The following CWC25 variants were observed in gnomAD, a reference collection of about 807,000 sequenced individuals.
CWC25 encodes pre-mRNA-splicing factor CWC25 homolog.
In CWC25, 31 loss-of-function variants were observed where a neutral mutation model predicts 54.6. That is an observed-to-expected ratio of 0.57 (90% CI 0.43 to 0.77). The LOEUF (loss-of-function observed/expected upper bound fraction) is 0.77. Among genes scored for constraint, CWC25 ranks in the 30% least tolerant of loss-of-function variants. The pLI is 0.00. For missense variants in CWC25, 453 were observed against 529.3 expected (o/e 0.86, Z 1.41); for synonymous variants, 151 against 187.0 (o/e 0.81, Z 1.57).
intron 1 of CWC25, among the ~76,000 whole-genome samples, chr17:38,821,575 G>A (rs1297433976): frequency 6.6e-6 from 1 of 152,000 alleles, no homozygotes; most frequent in Non-Finnish European, 1.5e-5. Flanking sequence ...ACAAGAACAA[G>A]AACAAGAAAG....
Position 38,802,024 on chromosome 17 carries a change from A to G in CWC25, c.*68T>C. The G allele has an allele frequency of 1.0e-6, 1 of 962,120 alleles. No individual in the cohort carries two copies. The highest frequency in any genetic ancestry group is 1.6e-6 in the Non-Finnish European group (1 of 617,358). The allele number at this position is 962,120 out of a possible 1,614,324, so 59.6% of individuals were successfully genotyped here. On this transcript the variant is annotated 3_prime_UTR_variant, in exon 10 of 10. Coordinates refer to ENST00000614790, the MANE Select transcript of CWC25 (RefSeq NM_017748.5). ...TGAAAGAAGTCATTTGAACTCTTAT[A>G]AAGAGAATTAAGGGGTCAGCAGCTT...
chr17:38,818,328 TCA>T, intron 2 of CWC25, among the ~76,000 whole-genome samples: 1 of 151,356 alleles, frequency 6.6e-6, no homozygotes, highest in East Asian at 1.9e-4. Flanking sequence ...GCACTGTGGC[TCA>T]CATCTGTAAT....
At chr17:38,821,116 C>G in intron 1 of CWC25, 43 bp from the exon 2 acceptor site, 1 of 1,586,306 alleles carries the variant, frequency 6.3e-7, no homozygotes, top group Non-Finnish European at 8.6e-7. Context: ...CGGGGGGTGA[C>G]TGAGTGGTGG....
In CWC25 at chr17:38,800,704, G is replaced by A. The variant is rs1910971155; in HGVS notation, c.*1388C>T. 6.6e-6 allele frequency: 1 copy of A among 152,228 alleles called. No individual in the cohort carries two copies. 9.4% of individuals were successfully genotyped at this position (152,228 alleles called of 1,614,324 possible). A position where few individuals can be genotyped will look rare whatever the true frequency, so the allele number is the denominator to read the frequency against. On this transcript the variant is annotated 3_prime_UTR_variant, in exon 10 of 10. Transcript: ENST00000614790. Reference sequence around the variant, plus strand: ...GTCAAGAGGGCCTAGGAGTTCACTGGTCAAATGAGGGCTTCTGGTGAAAGA... The same window carrying A: ...GTCAAGAGGGCCTAGGAGTTCACTGATCAAATGAGGGCTTCTGGTGAAAGA...
Position 38,814,898 on chromosome 17 carries a change from C to A in CWC25, c.391G>T (p.Ala131Ser). The stretch of plus-strand genomic sequence containing the variant: ...AGTGGGTCCTCCCGGATCTTGCTGG[C>A]CATGTCAAGAAGGGAATTGGCACCT... ...PSGANSLLDM[A>S]SKIREDPLFI... The change falls in exon 3 of 10, where the codon GCC becomes TCC. Residue 131 changes from alanine to serine, a missense_variant. Physicochemically the swap from Ala to Ser is moderately conservative, Grantham distance 99. Around this residue, in one of 2 missense-constraint regions of CWC25, gnomAD observed 444 missense variants for 499.2 expected, o/e 0.89. Coordinates refer to ENST00000614790, the MANE Select transcript of CWC25 (RefSeq NM_017748.5). 6.2e-7 allele frequency: 1 copy of A among 1,613,630 alleles called. No homozygotes were observed. The highest frequency in any genetic ancestry group is 8.5e-7 in the Non-Finnish European group (1 of 1,179,852).
Position 38,815,327 on chromosome 17 carries a change from G to A in CWC25, c.192-230C>T, listed in dbSNP as rs138003729. Among the ~76,000 whole-genome samples, 1,464 of 152,202 alleles carry A rather than the reference G, an allele frequency of 9.6e-3. 9 individuals are homozygous for A. The highest frequency in any genetic ancestry group is 0.031 in the Middle Eastern group (9 of 294). On this transcript the variant is annotated intron_variant, in intron 2 of 9. Transcript: ENST00000614790. ...TCCCACCATTTTGGGAGTCCGAAGCGGGTGGATCACTTGAGGTCAGGAGTT... is the reference window on the plus strand; with the variant it reads ...TCCCACCATTTTGGGAGTCCGAAGCAGGTGGATCACTTGAGGTCAGGAGTT...
intron 2 of CWC25, among the ~76,000 whole-genome samples, chr17:38,818,298 AC>A (rs1911782836): frequency 1.3e-5 from 2 of 151,432 alleles, no homozygotes. Flanking sequence ...AAAATAAATA[AC>A]AAAAATAAAA....
chr17:38,807,322 C>CAAA (rs57710053), intron 6 of CWC25, among the ~76,000 whole-genome samples: 1 of 56,538 alleles, frequency 1.8e-5, no homozygotes, highest in Non-Finnish European at 3.5e-5. Context: ...GACTCCGTCT[C>CAAA]AAAAAAAAAA....
rs1911090799 is a variant in CWC25, at chr17:38,802,943, G to A, written c.1002-82C>T. On this transcript the variant is annotated intron_variant, in intron 8 of 9. Transcript: ENST00000614790. Reference sequence around the variant, plus strand: ...GCACAAGAAGCACAGAAGCCAGGTGGGACCCCAAGCTCTCCAGTTCACTGC... The same window carrying A: ...GCACAAGAAGCACAGAAGCCAGGTGAGACCCCAAGCTCTCCAGTTCACTGC... The A allele has an allele frequency of 5.2e-6, 8 of 1,538,414 alleles. No homozygotes were observed. In the Middle Eastern group the frequency reaches 6.9e-4, roughly 132 times the overall value.
At chr17:38,814,516 G>A (rs191704014) in intron 3 of CWC25, among the ~76,000 whole-genome samples, 1,629 of 151,484 alleles carry the variant, frequency 0.011, 33 homozygotes, top group African/African-American at 0.038. Flanking sequence ...CGAGGCGGGC[G>A]GATCACAAGG....
chr17:38,811,959 A>G (rs567993603), intron 4 of CWC25, among the ~76,000 whole-genome samples: 1 of 150,646 alleles, frequency 6.6e-6, no homozygotes, highest in African/African-American at 2.4e-5. Context: ...TTTTTTTGAG[A>G]CAGAGTTTCG....
In CWC25 at chr17:38,825,314, A is replaced by G; in HGVS notation, c.-131T>C. On this transcript the variant is annotated 5_prime_UTR_variant, in exon 1 of 10. Coordinates refer to ENST00000614790, the MANE Select transcript of CWC25 (RefSeq NM_017748.5). ...GGAGCCGTCAACTGCCAGTTTCACC[A>G]CCGCTCTAGAGGTCACTTCCGGGAG... 1 of 940,400 alleles carries G rather than the reference A, an allele frequency of 1.1e-6. No homozygotes were observed. Among genetic ancestry groups the G allele is most frequent in the Non-Finnish European group, 1.6e-6 (1 of 636,670 alleles). 58.3% of individuals were successfully genotyped at this position (940,400 alleles called of 1,614,324 possible). A position where few individuals can be genotyped will look rare whatever the true frequency, so the allele number is the denominator to read the frequency against.
At chr17:38,813,718 A>G (rs1329934780) in intron 3 of CWC25, among the ~76,000 whole-genome samples, 2 of 151,392 alleles carry the variant, frequency 1.3e-5, no homozygotes, top group Admixed American at 1.3e-4. Context: ...TAATTTTTAT[A>G]TTTCTTATAG....
At chr17:38,818,807 G>A (rs1911809108) in intron 2 of CWC25, among the ~76,000 whole-genome samples, 1 of 151,978 alleles carries the variant, frequency 6.6e-6, no homozygotes, top group Non-Finnish European at 1.5e-5. Context: ...AAGCAGGCAT[G>A]AGTCTGCAAC....
In CWC25 at chr17:38,809,746, T is replaced by A. The variant is rs774563800; in HGVS notation, c.646A>T (p.Asn216Tyr). Residue 216 changes from asparagine (N) to tyrosine (Y), a missense_variant, in exon 6 of 10, where the codon AAT (asparagine) becomes TAT (tyrosine). By Grantham distance (143) the Asn-to-Tyr change is moderately radical. Around this residue, in one of 2 missense-constraint regions of CWC25, gnomAD observed 444 missense variants for 499.2 expected, o/e 0.89. Transcript: ENST00000614790. ...SAGRSQKKMA[N>Y]SSPVLSKVPG... ...ACTTTGGACAAAACAGGGGAGGAAT[T>A]TGCCATCTTCTTCTGTGATCTAAGA... 1.9e-6 allele frequency: 3 copies of A among 1,613,890 alleles called. No individual in the cohort carries two copies. Among genetic ancestry groups the A allele is most frequent in the South Asian group, 2.2e-5 (2 of 91,066 alleles).
chr17:38,813,893 G>A (rs867605427), intron 3 of CWC25, among the ~76,000 whole-genome samples: 1 of 151,884 alleles, frequency 6.6e-6, no homozygotes, highest in African/African-American at 2.4e-5. Context: ...ACGGAGTCTC[G>A]CTCTTTCGTC....
At chr17:38,806,736 G>T in intron 7 of CWC25, 29 bp downstream of exon 7, 1 of 1,534,252 alleles carries the variant, frequency 6.5e-7, no homozygotes, top group Non-Finnish European at 8.7e-7. Flanking sequence ...CACAGTCACA[G>T]GTTATTTCCC....
chr17:38,815,250 T>C (rs147387815), intron 2 of CWC25, among the ~76,000 whole-genome samples, 153 bp from the exon 3 acceptor site: 14 of 152,280 alleles, frequency 9.2e-5, no homozygotes, highest in South Asian at 6.2e-4. Flanking sequence ...GCACCCCATG[T>C]GGCCGGCATA....
chr17:38,810,568 TCTC>T lies in CWC25; in HGVS notation c.523_525del (p.Glu175del), dbSNP rs759242208. 1.7e-5 allele frequency: 27 copies of T among 1,545,184 alleles called. No individual in the cohort carries two copies. Among genetic ancestry groups the T allele is most frequent in the East Asian group, 2.3e-5 (1 of 42,820 alleles). ...TTTTTCTTCTCCTTCTTTTTCTTCT[TCTC>T]CTTTTTTTCCAGACTCATTTGCAAC... On this transcript the variant is annotated inframe_deletion, in exon 5 of 10. Coordinates refer to ENST00000614790, the MANE Select transcript of CWC25 (RefSeq NM_017748.5).
Sources: gnomAD v4.1 joint callset for allele counts (sites outside exome capture counted in the v4.1 genomes callset) on GRCh38, gnomAD v4.1.1 for gene constraint, gnomAD v4.1.1 regional missense constraint, MANE v1.5 for transcripts, NCBI Gene and HGNC (gene_info 2026-07-23, HGNC 2026-07-21) for gene names.